Variants in PHKB observed in about 807,000 individuals in gnomAD.
PHKB encodes phosphorylase kinase regulatory subunit beta.
In PHKB, 122 loss-of-function variants were observed where a neutral mutation model predicts 152.1. The observed-to-expected ratio is 0.80, with a 90% CI of 0.69 to 0.93. The LOEUF is 0.93. PHKB is among the 40% of genes least tolerant of loss of function. The pLI is 0.00. For synonymous variants in PHKB, 436 were observed against 464.9 expected, an observed-to-expected ratio of 0.94 and a Z score of 0.80; for missense variants, 1,304 against 1,328.4, an observed-to-expected ratio of 0.98 and a Z score of 0.29.
At chr16:47,585,616 T>G (rs1001822740) in intron 8 of PHKB, among the ~76,000 whole-genome samples, 7 of 152,232 alleles carry the variant, frequency 4.6e-5, no homozygotes, top group Admixed American at 4.6e-4. Context: ...GATATTTTTG[T>G]AAGAAGACAG....
intron 14 of PHKB, among the ~76,000 whole-genome samples, chr16:47,625,660 A>G (rs1972696448): frequency 6.6e-6 from 1 of 152,132 alleles, no homozygotes; most frequent in African/African-American, 2.4e-5. Context: ...ATCAATCTAA[A>G]GTAGCCTCTG....
intron 26 of PHKB, among the ~76,000 whole-genome samples, chr16:47,681,829 A>G (rs959928507): frequency 1.3e-5 from 2 of 151,994 alleles, no homozygotes; most frequent in Admixed American, 6.6e-5. Context: ...TTAGCTGGTT[A>G]TTTTGCTCGT....
At chr16:47,660,858 T>G (rs774431842) in intron 22 of PHKB, 39 bp downstream of exon 22, 28 of 1,605,062 alleles carry the variant, frequency 1.7e-5, no homozygotes, top group Non-Finnish European at 2.4e-5. Context: ...CTAAGTGAGG[T>G]TGCTGGAGCA....
At chr16:47,483,073 C>T (rs1287733053) in intron 1 of PHKB, among the ~76,000 whole-genome samples, 38 of 99,292 alleles carry the variant, frequency 3.8e-4, no homozygotes, top group African/African-American at 1.5e-3. Context: ...GAGTCTCATT[C>T]TGTCACCCTG....
At chr16:47,522,961 ATT>A (rs375826369) in intron 6 of PHKB, among the ~76,000 whole-genome samples, 3 of 122,496 alleles carry the variant, frequency 2.4e-5, no homozygotes, top group Admixed American at 8.1e-5. Context: ...TTTCAAGTCA[ATT>A]TTTTTTTTTT....
chr16:47,472,789 A>T (rs1364315890), intron 1 of PHKB, among the ~76,000 whole-genome samples: 2 of 151,880 alleles, frequency 1.3e-5, no homozygotes, highest in African/African-American at 4.8e-5. Flanking sequence ...CTCAAAAAAA[A>T]AACAAAAATT....
At chr16:47,497,088 A>T (rs1970244565) in intron 1 of PHKB, among the ~76,000 whole-genome samples, 1 of 152,184 alleles carries the variant, frequency 6.6e-6, no homozygotes, top group African/African-American at 2.4e-5. Flanking sequence ...TCTATTGACA[A>T]ATGACTACCA....
intron 26 of PHKB, among the ~76,000 whole-genome samples, chr16:47,684,198 C>T (rs1032174782): frequency 1.6e-4 from 24 of 151,792 alleles, no homozygotes; most frequent in African/African-American, 4.8e-4. Flanking sequence ...CTGGGTGTAG[C>T]GGTGCCTGCC....
chr16:47,677,715 G>A (rs1317866047), intron 26 of PHKB, among the ~76,000 whole-genome samples: 3 of 152,050 alleles, frequency 2.0e-5, no homozygotes, highest in African/African-American at 7.2e-5. Context: ...ATTTGGAGGG[G>A]GAGAAAGAAT....
intron 16 of PHKB, among the ~76,000 whole-genome samples, chr16:47,645,238 T>C (rs1375951646): frequency 6.9e-6 from 1 of 144,680 alleles, no homozygotes; most frequent in Non-Finnish European, 1.5e-5. Flanking sequence ...TTTGTCAATT[T>C]TGGCTTTTGT....
chr16:47,625,415 C>G (rs1003466882), intron 14 of PHKB, among the ~76,000 whole-genome samples: 2 of 152,158 alleles, frequency 1.3e-5, no homozygotes, highest in African/African-American at 4.8e-5. Context: ...GCCTGTAGGG[C>G]CCTGTGGGGC....
intron 26 of PHKB, among the ~76,000 whole-genome samples, chr16:47,681,443 A>G (rs201243089): frequency 6.8e-6 from 1 of 148,078 alleles, no homozygotes; most frequent in Admixed American, 7.2e-5. Flanking sequence ...GCTTTATGAA[A>G]CTGGGTGCTT....
At chr16:47,669,492 G>A (rs1973600877) in intron 26 of PHKB, 75 bp downstream of exon 26, 1 of 1,300,626 alleles carries the variant, frequency 7.7e-7, no homozygotes, top group African/African-American at 1.5e-5. Context: ...CTCTCCAAGT[G>A]AAGCAATGTT....
intron 1 of PHKB, among the ~76,000 whole-genome samples, chr16:47,485,251 G>A (rs907956823): frequency 3.9e-5 from 6 of 152,110 alleles, no homozygotes; most frequent in African/African-American, 1.4e-4. Context: ...GGTGTATGGT[G>A]GAACTGTGCA....
At chr16:47,578,310 A>G (rs1350386681) in intron 7 of PHKB, among the ~76,000 whole-genome samples, 1 of 152,160 alleles carries the variant, frequency 6.6e-6, no homozygotes, top group Non-Finnish European at 1.5e-5. Context: ...TCTCAACGTT[A>G]GCATCCATTG....
chr16:47,481,052 T>C (rs1310941108), intron 1 of PHKB, among the ~76,000 whole-genome samples: 2 of 152,220 alleles, frequency 1.3e-5, no homozygotes, highest in Non-Finnish European at 2.9e-5. Context: ...TCGTACTCAT[T>C]TTATACTTCT....
intron 6 of PHKB, among the ~76,000 whole-genome samples, chr16:47,531,828 A>C (rs1390129936): frequency 6.6e-6 from 1 of 152,250 alleles, no homozygotes; most frequent in African/African-American, 2.4e-5. Context: ...AGGAAATTTT[A>C]GGAGAGCATA....
intron 1 of PHKB, among the ~76,000 whole-genome samples, chr16:47,466,278 G>T (rs1188667369): frequency 6.6e-6 from 1 of 152,128 alleles, no homozygotes; most frequent in Non-Finnish European, 1.5e-5. Context: ...AATTTATAAA[G>T]AAATTCAACA....
chr16:47,479,781 A>G (rs1194949757), intron 1 of PHKB, among the ~76,000 whole-genome samples: 2 of 152,172 alleles, frequency 1.3e-5, no homozygotes, highest in African/African-American at 4.8e-5. Flanking sequence ...ATATGTCATT[A>G]TCTGCATCCC....
Sources: allele counts gnomAD v4.1 joint callset (sites outside exome capture counted in the v4.1 genomes callset), GRCh38; gene constraint gnomAD v4.1.1; transcripts MANE v1.5; gene names NCBI Gene and HGNC (gene_info 2026-07-23, HGNC 2026-07-21).